ARHGEF12: variants seen among roughly 807,000 people sequenced by gnomAD.
The protein encoded by ARHGEF12 is KMT2A/ARHGEF12 fusion protein.
Under a neutral mutation model 211.2 loss-of-function variants are expected in ARHGEF12, and 66 were observed. The observed-to-expected ratio is 0.31, with a 90% confidence interval of 0.26 to 0.38. The LOEUF (loss-of-function observed/expected upper bound fraction) is 0.38. Among genes scored for constraint, ARHGEF12 ranks in the 10% least tolerant of loss-of-function variants. ARHGEF12 has a pLI of 1.00. For missense variants in ARHGEF12, 1,429 were observed against 1,869.5 expected (o/e 0.76, Z 4.34); for synonymous variants, 592 against 638.4 (o/e 0.93, Z 1.09).
intron 38 of ARHGEF12, 120 bp from the exon 39 acceptor site, chr11:120,481,140 G>C (rs1039833368): frequency 1.2e-6 from 1 of 866,142 alleles, no homozygotes; most frequent in Non-Finnish European, 1.8e-6. Flanking sequence ...CTAAACTCAG[G>C]AATTAATGGC....
At chr11:120,433,668 A>ATTGTTGGC (rs1945611349) in intron 11 of ARHGEF12, among the ~76,000 whole-genome samples, 1 of 152,156 alleles carries the variant, frequency 6.6e-6, no homozygotes, top group South Asian at 2.1e-4. Flanking sequence ...AAAAGAGTGA[A>ATTGTTGGC]TTGTTGGCTG....
intron 1 of ARHGEF12, among the ~76,000 whole-genome samples, chr11:120,359,137 T>A (rs1056424720): frequency 6.6e-6 from 1 of 152,130 alleles, no homozygotes; most frequent in Non-Finnish European, 1.5e-5. Flanking sequence ...TCACACTACA[T>A]CATTTCTATA....
chr11:120,426,861 T>G (rs917270772), intron 7 of ARHGEF12, among the ~76,000 whole-genome samples: 23 of 143,904 alleles, frequency 1.6e-4, no homozygotes, highest in East Asian at 4.1e-4. Context: ...GATTATGGTG[T>G]TTTTTTTTGT....
rs1216516867 is a variant in ARHGEF12, at chr11:120,487,294, T to C, written c.*2217T>C. The C allele has an allele frequency of 4.6e-6, 1 of 219,360 alleles. No individual in the cohort carries two copies. Among genetic ancestry groups the C allele is most frequent in the Non-Finnish European group, 9.1e-6 (1 of 109,572 alleles). The allele number at this position is 219,360 out of a possible 1,614,324, so 13.6% of individuals were successfully genotyped here. A position where few individuals can be genotyped will look rare whatever the true frequency, so the allele number is the denominator to read the frequency against. ...GCAGTTCAATTTCTCCTTGGAACTC[T>C]AACAGGACTAACTGGAAAAATACTT... On this transcript the variant is annotated 3_prime_UTR_variant, in exon 41 of 41. Transcript: ENST00000397843.
chr11:120,431,759 C>T lies in ARHGEF12; in HGVS notation c.784-12C>T. The stretch of plus-strand genomic sequence containing the variant: ...TGTTTGTGTGCGCGTGTTTTTCTTT[C>T]ATCTGTTTTAGGATGGAGCTGTAGT... On this transcript the variant is annotated splice_polypyrimidine_tract_variant and intron_variant, in intron 10 of 40. Transcript: ENST00000397843. 1 of 1,558,548 alleles carries T rather than the reference C, an allele frequency of 6.4e-7. No homozygotes were observed. The highest frequency in any genetic ancestry group is 8.7e-7 in the Non-Finnish European group (1 of 1,153,884).
chr11:120,342,094 T>A (rs1369737268), intron 1 of ARHGEF12, among the ~76,000 whole-genome samples: 1 of 152,196 alleles, frequency 6.6e-6, no homozygotes. Context: ...GATTTTAACC[T>A]AGATTTTCTG....
At chr11:120,411,581 CTTTTTTTTTTTTT>C (rs56970429) in intron 4 of ARHGEF12, 2 of 40,678 alleles carry the variant, frequency 4.9e-5, no homozygotes, top group South Asian at 1.5e-3. Context: ...ACTTTCTTGG[CTTTTTTTTTTTTT>C]TTTTTTTTTT....
In ARHGEF12 at chr11:120,458,079, G is replaced by A; in HGVS notation, c.2226-1G>A. ...TTGAATTCACTCTTTTTTCTTCATAGGTTTGACAGTGTAGCTTTTGGAGAA... is the reference window on the plus strand; with the variant it reads ...TTGAATTCACTCTTTTTTCTTCATAAGTTTGACAGTGTAGCTTTTGGAGAA... On this transcript the variant is annotated splice_acceptor_variant, in intron 24 of 40. Coordinates refer to ENST00000397843, the MANE Select transcript of ARHGEF12 (RefSeq NM_015313.3). LOFTEE classifies it high-confidence loss of function. 6.2e-7 allele frequency: 1 copy of A among 1,603,612 alleles called. No individual in the cohort carries two copies. Among genetic ancestry groups the A allele is most frequent in the Non-Finnish European group, 8.5e-7 (1 of 1,177,698 alleles).
intron 2 of ARHGEF12, 134 bp from the exon 3 acceptor site, chr11:120,407,604 T>C: frequency 1.2e-5 from 7 of 565,478 alleles, no homozygotes; most frequent in Non-Finnish European, 2.1e-5. Context: ...AAATGTAAAT[T>C]AGAGAGGCTT....
In ARHGEF12 at chr11:120,436,293, A is replaced by G. The variant is rs141119217; in HGVS notation, c.925-1015A>G. Reference sequence around the variant, plus strand: ...ATATCTTGTCCAAGACCTGAAAGTCATTCATTTCTCCAAGGTGGGGCATAC... The same window carrying G: ...ATATCTTGTCCAAGACCTGAAAGTCGTTCATTTCTCCAAGGTGGGGCATAC... On this transcript the variant is annotated intron_variant, in intron 11 of 40. Transcript: ENST00000397843. Among the ~76,000 whole-genome samples, 372 of 152,314 alleles carry G rather than the reference A, an allele frequency of 2.4e-3. 3 individuals are homozygous for G. Among genetic ancestry groups the G allele is most frequent in the African/African-American group, 8.7e-3 (360 of 41,566 alleles).
chr11:120,431,671 C>A, intron 10 of ARHGEF12, 100 bp from the exon 11 acceptor site: 1 of 1,281,504 alleles, frequency 7.8e-7, no homozygotes, highest in African/African-American at 1.5e-5. Context: ...TTTTAGTAGT[C>A]TCCATGTAGA....
At chr11:120,373,732 G>A (rs1233557057) in intron 1 of ARHGEF12, among the ~76,000 whole-genome samples, 1 of 151,798 alleles carries the variant, frequency 6.6e-6, no homozygotes, top group East Asian at 1.9e-4. Context: ...TCTCTTCAGG[G>A]AGCAACTATT....
intron 1 of ARHGEF12, among the ~76,000 whole-genome samples, chr11:120,384,709 C>CA (rs1035324581): frequency 1.7e-4 from 26 of 152,222 alleles, no homozygotes; most frequent in African/African-American, 5.8e-4. Flanking sequence ...CACAAACAGA[C>CA]AGAGTAGCAT....
chr11:120,414,748 G>A (rs770387259), intron 4 of ARHGEF12, among the ~76,000 whole-genome samples: 1 of 152,138 alleles, frequency 6.6e-6, no homozygotes, highest in Non-Finnish European at 1.5e-5. Context: ...TTTGAAAAAC[G>A]TGTTTATTAT....
At chr11:120,374,926 A>C (rs1943686885) in intron 1 of ARHGEF12, among the ~76,000 whole-genome samples, 1 of 152,158 alleles carries the variant, frequency 6.6e-6, no homozygotes, top group South Asian at 2.1e-4. Flanking sequence ...ATTTTTGGAT[A>C]TCAACTCTCA....
intron 12 of ARHGEF12, among the ~76,000 whole-genome samples, chr11:120,437,934 C>G (rs1945744667): frequency 6.6e-6 from 1 of 152,190 alleles, no homozygotes; most frequent in South Asian, 2.1e-4. Flanking sequence ...AAATAATATT[C>G]CATGACATGT....
In ARHGEF12 at chr11:120,447,919, T is replaced by C. The variant is rs556881469; in HGVS notation, c.1622+13T>C. 4.0e-5 allele frequency: 61 copies of C among 1,543,918 alleles called. No individual in the cohort carries two copies. The Admixed American group carries it at 7.2e-4, about 18-fold the overall frequency. ...AGGAAGATAAGAGGTAACATAACTG[T>C]TTTTTTTCCCCTAGAATTTTAAGAA... On this transcript the variant is annotated intron_variant, in intron 19 of 40. Coordinates refer to ENST00000397843, the MANE Select transcript of ARHGEF12 (RefSeq NM_015313.3).
chr11:120,420,328 C>T (rs1038996127), intron 4 of ARHGEF12, among the ~76,000 whole-genome samples: 1 of 152,020 alleles, frequency 6.6e-6, no homozygotes, highest in Non-Finnish European at 1.5e-5. Context: ...TGAGATGCTC[C>T]TAGCCCCATG....
chr11:120,459,791 C>G (rs978169819), intron 26 of ARHGEF12, among the ~76,000 whole-genome samples: 1 of 152,190 alleles, frequency 6.6e-6, no homozygotes, highest in African/African-American at 2.4e-5. Flanking sequence ...TCACTGCAAC[C>G]TCTGCCCCCT....
Sources: gnomAD v4.1 joint callset for allele counts (sites outside exome capture counted in the v4.1 genomes callset) on GRCh38, gnomAD v4.1.1 for gene constraint, MANE v1.5 for transcripts, NCBI Gene and HGNC (gene_info 2026-07-23, HGNC 2026-07-21) for gene names.